The following NRG3 variants were observed in gnomAD, a reference collection of about 807,000 sequenced individuals.
NRG3 encodes pro-neuregulin-3, membrane-bound isoform.
Under a neutral mutation model 66.9 loss-of-function variants are expected in NRG3, and 31 were observed. The ratio of observed to expected loss-of-function variants is 0.46; its 90% CI spans 0.35 to 0.63. The LOEUF is 0.63. NRG3 is among the 20% of genes least tolerant of loss of function. NRG3 has a pLI of 0.00. For missense variants in NRG3, 910 were observed against 878.9 expected (o/e 1.04, Z -0.45); for synonymous variants, 393 against 359.4 (o/e 1.09, Z -1.06).
intron 6 of NRG3, among the ~76,000 whole-genome samples, chr10:82,972,597 T>C (rs1413433436): frequency 6.6e-6 from 1 of 152,166 alleles, no homozygotes; most frequent in African/African-American, 2.4e-5. Flanking sequence ...TGATTAGAAA[T>C]GGTACTTAGG....
Position 82,567,033 on chromosome 10 carries a change from G to A in NRG3, c.954-171544G>A, listed in dbSNP as rs1313021944. ...TCCAAGCGATACCTGAAGGATCCACGCTGTTTTCACCTCTGTCTCCACCAT... is the reference window on the plus strand; with the variant it reads ...TCCAAGCGATACCTGAAGGATCCACACTGTTTTCACCTCTGTCTCCACCAT... On this transcript the variant is annotated intron_variant, in intron 2 of 8. Coordinates refer to ENST00000372141, the MANE Select transcript of NRG3 (RefSeq NM_001010848.4). 3.9e-5 allele frequency among the ~76,000 whole-genome samples: 6 copies of A among 152,012 alleles called. No individual in the cohort carries two copies. The South Asian group carries it at 8.3e-4, about 21-fold the overall frequency.
chr10:82,054,140 G>T (rs2063726473), intron 1 of NRG3, among the ~76,000 whole-genome samples: 1 of 152,186 alleles, frequency 6.6e-6, no homozygotes, highest in African/African-American at 2.4e-5. Context: ...AGAGGGTATT[G>T]TACAGAGGAG....
intron 1 of NRG3, among the ~76,000 whole-genome samples, chr10:82,288,181 A>T (rs1425447475): frequency 6.6e-6 from 1 of 152,144 alleles, no homozygotes; most frequent in Non-Finnish European, 1.5e-5. Context: ...CAAATAAATT[A>T]TCTATAGATT....
At chr10:82,775,463 T>A (rs952105012) in intron 3 of NRG3, among the ~76,000 whole-genome samples, 2 of 152,110 alleles carry the variant, frequency 1.3e-5, no homozygotes, top group African/African-American at 4.8e-5. Flanking sequence ...TACTTATAGT[T>A]CAAAATAATA....
At chr10:82,496,924 T>A (rs1843681929) in intron 2 of NRG3, among the ~76,000 whole-genome samples, 1 of 152,202 alleles carries the variant, frequency 6.6e-6, no homozygotes, top group Admixed American at 6.5e-5. Flanking sequence ...ATACATTGAT[T>A]TTCATATTTA....
intron 1 of NRG3, among the ~76,000 whole-genome samples, chr10:82,132,522 TATG>T (rs368165674): frequency 3.0e-4 from 5 of 16,434 alleles, no homozygotes; most frequent in East Asian, 1.2e-3. Flanking sequence ...ATATGATATA[TATG>T]ATATATATAT....
intron 1 of NRG3, among the ~76,000 whole-genome samples, chr10:81,932,346 T>A (rs1847453630): frequency 6.6e-6 from 1 of 150,580 alleles, no homozygotes; most frequent in Admixed American, 6.6e-5. Flanking sequence ...GTGACCCACC[T>A]CCATGATCCA....
chr10:82,383,877 A>G (rs889828882), intron 2 of NRG3, among the ~76,000 whole-genome samples: 11 of 151,894 alleles, frequency 7.2e-5, no homozygotes, highest in Non-Finnish European at 1.0e-4. Flanking sequence ...TCAAACTCTT[A>G]CTATTTAATT....
At chr10:82,663,039 A>G (rs1460172485) in intron 2 of NRG3, among the ~76,000 whole-genome samples, 1 of 152,246 alleles carries the variant, frequency 6.6e-6, no homozygotes, top group Admixed American at 6.5e-5. Flanking sequence ...GATTAGATGT[A>G]CTCATTGCCA....
At chr10:82,182,057 G>A (rs2073457118) in intron 1 of NRG3, among the ~76,000 whole-genome samples, 1 of 151,294 alleles carries the variant, frequency 6.6e-6, no homozygotes, top group Non-Finnish European at 1.5e-5. Context: ...TCTGGTATAA[G>A]TATGGCCATC....
intron 1 of NRG3, among the ~76,000 whole-genome samples, chr10:82,071,214 C>CA (rs2064788349): frequency 6.6e-6 from 1 of 152,032 alleles, no homozygotes; most frequent in Non-Finnish European, 1.5e-5. Flanking sequence ...CAGCAGTGGG[C>CA]AAACAGAGGA....
intron 1 of NRG3, among the ~76,000 whole-genome samples, chr10:81,945,306 T>C (rs555311433): frequency 1.3e-5 from 2 of 152,136 alleles, no homozygotes; most frequent in South Asian, 2.1e-4. Flanking sequence ...TTTATCTCCT[T>C]CTTTCTCCTT....
At chr10:82,434,237 T>C (rs1442919614) in intron 2 of NRG3, among the ~76,000 whole-genome samples, 3 of 152,176 alleles carry the variant, frequency 2.0e-5, no homozygotes, top group Non-Finnish European at 2.9e-5. Context: ...ATTCATGATT[T>C]GGCTTTCTGC....
intron 1 of NRG3, among the ~76,000 whole-genome samples, chr10:81,904,001 T>A (rs957554022): frequency 3.1e-4 from 40 of 129,580 alleles, no homozygotes; most frequent in African/African-American, 1.3e-3. Context: ...TATATATTTT[T>A]TTTTTTTGTT....
At chr10:82,304,675 GT>G (rs1554879854) in intron 1 of NRG3, among the ~76,000 whole-genome samples, 1 of 122,246 alleles carries the variant, frequency 8.2e-6, no homozygotes, top group Non-Finnish European at 1.5e-5. Context: ...CTGTTTTCTT[GT>G]TAGTTGTCAG....
chr10:82,618,651 G>A (rs1370727810), intron 2 of NRG3, among the ~76,000 whole-genome samples: 3 of 151,746 alleles, frequency 2.0e-5, no homozygotes, highest in East Asian at 3.9e-4. Context: ...CACAATAGAA[G>A]AAAAATTATA....
chr10:82,058,048 A>C (rs576503748), intron 1 of NRG3, among the ~76,000 whole-genome samples: 1 of 151,412 alleles, frequency 6.6e-6, no homozygotes, highest in East Asian at 1.9e-4. Flanking sequence ...TGCATTAAAA[A>C]CCGATTATTT....
At chr10:82,712,907 G>A (rs1025369210) in intron 2 of NRG3, among the ~76,000 whole-genome samples, 13 of 152,000 alleles carry the variant, frequency 8.6e-5, no homozygotes, top group Non-Finnish European at 1.6e-4. Flanking sequence ...ATCAGTTGAG[G>A]TCAGGAGTTT....
chr10:82,252,754 T>C (rs1265821943), intron 1 of NRG3, among the ~76,000 whole-genome samples: 2 of 152,134 alleles, frequency 1.3e-5, no homozygotes, highest in Non-Finnish European at 2.9e-5. Flanking sequence ...GATTGGAGAG[T>C]ATAATCAGTA....
Sources: allele counts gnomAD v4.1 joint callset (sites outside exome capture counted in the v4.1 genomes callset), GRCh38; gene constraint gnomAD v4.1.1; transcripts MANE v1.5; gene names NCBI Gene and HGNC (gene_info 2026-07-23, HGNC 2026-07-21).